SPDL1: variants seen among roughly 807,000 people sequenced by gnomAD.
SPDL1 encodes the protein protein Spindly.
A neutral mutation model predicts 79.5 loss-of-function variants in SPDL1; 85 were observed. That is an observed-to-expected ratio of 1.07 (90% CI 0.90 to 1.28). The LOEUF (loss-of-function observed/expected upper bound fraction) is 1.28, where lower values mean the gene tolerates loss of function less well. SPDL1 is among the 50% of genes most tolerant of loss of function. SPDL1 has a pLI of 0.00. For synonymous variants in SPDL1, 269 were observed against 240.3 expected, an observed-to-expected ratio of 1.12 and a Z score of -1.10; for missense variants, 703 against 697.8, an observed-to-expected ratio of 1.01 and a Z score of -0.08.
intron 1 of SPDL1, among the ~76,000 whole-genome samples, chr5:169,585,016 C>CAAAAAAAAAAAAAAAAAAAA (rs11415643): frequency 2.2e-5 from 3 of 138,266 alleles, no homozygotes; most frequent in African/African-American, 8.2e-5. Context: ...GACTCCGTCT[C>CAAAAAAAAAAAAAAAAAAAA]AAAAAAAAAA....
rs747520244 is a variant in SPDL1, at chr5:169,591,057, C to G, written c.169C>G (p.Gln57Glu). The G allele has an allele frequency of 6.2e-7, 1 of 1,611,428 alleles. No individual in the cohort carries two copies. Among genetic ancestry groups the G allele is most frequent in the African/African-American group, 1.3e-5 (1 of 74,594 alleles). Reference protein sequence around the residue: ...EMMTMTESYEQEKYTLQREVE... With the variant: ...EMMTMTESYEEEKYTLQREVE... Reference sequence around the variant, plus strand: ...TTGAATCTGTTTTCAGAGTTATGAACAAGAAAAATATACCCTTCAAAGAGA... The same window carrying G: ...TTGAATCTGTTTTCAGAGTTATGAAGAAGAAAAATATACCCTTCAAAGAGA... The change falls in exon 3 of 12, where the codon CAA (glutamine) becomes GAA (glutamate). Residue 57 changes from glutamine (Q) to glutamate (E), a missense_variant. By Grantham distance (29) the Gln-to-Glu change is conservative. Coordinates refer to ENST00000265295, the MANE Select transcript of SPDL1 (RefSeq NM_017785.5).
In SPDL1 at chr5:169,596,698, T is replaced by G; in HGVS notation, c.1029T>G (p.Phe343Leu). 1.3e-6 allele frequency: 2 copies of G among 1,594,878 alleles called. No homozygotes were observed. Among genetic ancestry groups the G allele is most frequent in the Non-Finnish European group, 1.7e-6 (2 of 1,174,602 alleles). The change falls in exon 8 of 12, where the codon TTT (phenylalanine) becomes TTG (leucine). Residue 343 changes from phenylalanine (F) to leucine (L), a missense_variant. Transcript: ENST00000265295. ...LLGEIRNLEK[F>L]KNLYDSMESK... is the part of the protein sequence containing the mutation. ...GTGAAATTAGAAATCTGGAGAAATT[T>G]AAGGTATGTATAACAGTTAAAAAAA...
At chr5:169,586,324 CTG>C (rs1389338429) in intron 1 of SPDL1, 1 of 152,338 alleles carries the variant, frequency 6.6e-6, no homozygotes, top group Non-Finnish European at 1.5e-5. Flanking sequence ...CCTTAATACA[CTG>C]TTTATTGCCT....
intron 10 of SPDL1, among the ~76,000 whole-genome samples, chr5:169,599,647 G>T (rs1413625686): frequency 6.6e-6 from 1 of 152,184 alleles, no homozygotes; most frequent in Non-Finnish European, 1.5e-5. Flanking sequence ...GGCTTCTTGT[G>T]TTTGTTGGTC....
rs1205803220 is a variant in SPDL1 at position 169,591,138 on chromosome 5, AAAC to A, written c.259_261del (p.Gln87del). On this transcript the variant is annotated inframe_deletion, in exon 3 of 12. Transcript: ENST00000265295. ...TTTGAGCTGCGAATGTGAAGCTATTAAACAACAACAAAAAATGCACCTGGAGAA... is the reference window on the plus strand; with the variant it reads ...TTTGAGCTGCGAATGTGAAGCTATTAAACAACAAAAAATGCACCTGGAGAA... 7 of 1,613,968 alleles carry A rather than the reference AAAC, an allele frequency of 4.3e-6. No individual in the cohort carries two copies. Among genetic ancestry groups the A allele is most frequent in the Admixed American group, 1.7e-5 (1 of 60,004 alleles).
rs1581302091 is a variant in SPDL1 at position 169,594,056 on chromosome 5, G to A, written c.532-89G>A. 1.0e-5 allele frequency: 11 copies of A among 1,079,050 alleles called. No homozygotes were observed. The East Asian group carries it at 2.7e-4, about 26-fold the overall frequency. 66.8% of individuals were successfully genotyped at this position (1,079,050 alleles called of 1,614,324 possible). On this transcript the variant is annotated intron_variant, in intron 4 of 11. Transcript: ENST00000265295. ...GACTGGTTCTTTAGTTTTAATTTTG[G>A]ATGTGAACCACAACTGAGATAAACT...
intron 1 of SPDL1, among the ~76,000 whole-genome samples, chr5:169,586,575 T>C (rs548027391): frequency 6.6e-6 from 1 of 152,376 alleles, no homozygotes; most frequent in South Asian, 2.1e-4. Flanking sequence ...CCTGATTTTA[T>C]TTCCAAAACA....
rs371983504 is a variant in SPDL1 at position 169,590,104 on chromosome 5, A to AT, written c.160-941dup. ...TATCCTGAATGCCTGCCACACGATT[A>AT]TTTCTTAAAAGAATGAATGAATAAA... is the stretch of plus-strand genomic sequence containing the variant. On this transcript the variant is annotated intron_variant, in intron 2 of 11. Transcript: ENST00000265295. 5.1e-3 allele frequency among the ~76,000 whole-genome samples: 782 copies of AT among 152,366 alleles called. 7 individuals carry two copies. The highest frequency in any genetic ancestry group is 0.017 in the African/African-American group (714 of 41,582).
intron 7 of SPDL1, 43 bp from the exon 8 acceptor site, chr5:169,596,516 TTC>T: frequency 6.5e-7 from 1 of 1,528,066 alleles, no homozygotes; most frequent in Non-Finnish European, 9.0e-7. Flanking sequence ...ATCAGAATCT[TTC>T]TCTCACTTAA....
Position 169,586,761 on chromosome 5 carries a change from C to G in SPDL1, c.-23-1633C>G, listed in dbSNP as rs189374450. ...AAAATCTGGCCATTTCTCACAGCCT[C>G]CTATGCTGCCACCCTAGTCTGAGCC... On this transcript the variant is annotated intron_variant, in intron 1 of 11. Transcript: ENST00000265295. 5.3e-5 allele frequency among the ~76,000 whole-genome samples: 8 copies of G among 152,192 alleles called. No individual in the cohort carries two copies. In the South Asian group the frequency reaches 6.2e-4, roughly 12 times the overall value.
intron 2 of SPDL1, among the ~76,000 whole-genome samples, chr5:169,590,093 GC>G (rs1458719160): frequency 5.9e-5 from 9 of 152,182 alleles, no homozygotes; most frequent in Admixed American, 4.6e-4. Flanking sequence ...CTGAATGCCT[GC>G]CACACGATTA....
At position 169,594,496 on chromosome 5, in the gene SPDL1, C is replaced by A; in HGVS notation, c.780+4C>A. 1 of 1,613,468 alleles carries A rather than the reference C, an allele frequency of 6.2e-7. No homozygotes were observed. Among genetic ancestry groups the A allele is most frequent in the Non-Finnish European group, 8.5e-7 (1 of 1,179,440 alleles). ...AGGCAACTCTTTGTTTGCAGAGGTACTTATAAGTATCCTAACTACTAAATT... is the reference window on the plus strand; with the variant it reads ...AGGCAACTCTTTGTTTGCAGAGGTAATTATAAGTATCCTAACTACTAAATT... On this transcript the variant is annotated splice_donor_region_variant and intron_variant, in intron 6 of 11. Coordinates refer to ENST00000265295, the MANE Select transcript of SPDL1 (RefSeq NM_017785.5).
intron 2 of SPDL1, among the ~76,000 whole-genome samples, chr5:169,589,420 C>T (rs944354185): frequency 1.3e-5 from 2 of 152,192 alleles, no homozygotes; most frequent in African/African-American, 4.8e-5. Context: ...TTATTTACAA[C>T]AAAATCTGAG....
At chr5:169,599,218 A>T in intron 10 of SPDL1, 59 bp downstream of exon 10, 1 of 1,156,152 alleles carries the variant, frequency 8.6e-7, no homozygotes, top group Admixed American at 2.8e-5. Context: ...AATTATATCA[A>T]ATTATTTTCT....
chr5:169,587,461 T>C (rs1755046848), intron 1 of SPDL1: 1 of 152,210 alleles, frequency 6.6e-6, no homozygotes, highest in African/African-American at 2.4e-5. Context: ...CTATATATAA[T>C]GTTTAAGTCT....
chr5:169,604,116 G>A lies in SPDL1; in HGVS notation c.1727G>A (p.Ser576Asn), dbSNP rs1374526792. The A allele has an allele frequency of 6.2e-7, 1 of 1,613,132 alleles. No individual in the cohort carries two copies. Among genetic ancestry groups the A allele is most frequent in the Admixed American group, 1.7e-5 (1 of 59,858 alleles). Residue 576 changes from serine (S) to asparagine (N), a missense_variant, in exon 12 of 12, where the codon AGC becomes AAC. Ser to Asn is a conservative substitution (Grantham distance 46, BLOSUM62 1). Transcript: ENST00000265295. ...TEVKEGKETS[S>N]KLEKETCKKL... ...GTTAAAGAAGGAAAAGAAACTTCAAGCAAATTGGAAAAAGAAACTTGTAAG... is the reference window on the plus strand; with the variant it reads ...GTTAAAGAAGGAAAAGAAACTTCAAACAAATTGGAAAAAGAAACTTGTAAG...
At position 169,588,452 on chromosome 5, in the gene SPDL1, G is replaced by C. The variant is rs552267288; in HGVS notation, c.36G>C (p.Arg12Ser). ...ATATAATCACAAATCTTCGATGCAG[G>C]CTCAAAGAGGCTGAAGAAGAGCGAC... ...EADIITNLRC[R>S]LKEAEEERLK... is the part of the protein sequence containing the mutation. Residue 12 changes from arginine (R) to serine (S), a missense_variant, in exon 2 of 12, where the codon AGG (arginine) becomes AGC (serine). Coordinates refer to ENST00000265295, the MANE Select transcript of SPDL1 (RefSeq NM_017785.5). 5 of 1,613,118 alleles carry C rather than the reference G, an allele frequency of 3.1e-6. No homozygotes were observed. The highest frequency in any genetic ancestry group is 2.7e-5 in the African/African-American group (2 of 74,968).
intron 3 of SPDL1, 138 bp downstream of exon 3, chr5:169,591,362 G>A (rs1561869214): frequency 2.6e-6 from 2 of 770,044 alleles, no homozygotes; most frequent in East Asian, 2.7e-5. Context: ...TTAATATTGG[G>A]GGTGGGAACA....
rs1293360173 is a variant in SPDL1 at position 169,595,685 on chromosome 5, GTTTAC to G, written c.892-871_892-867del. Reference sequence around the variant, plus strand: ...AGTATTTCTTTATAAATTTTCTCACGTTTACTTTAGTTTTCTTACAGTATTTGTTG... The same window carrying G: ...AGTATTTCTTTATAAATTTTCTCACGTTTAGTTTTCTTACAGTATTTGTTG... On this transcript the variant is annotated intron_variant, in intron 7 of 11. Transcript: ENST00000265295. 4.6e-5 allele frequency: 7 copies of G among 151,996 alleles called. No homozygotes were observed. In the East Asian group the frequency reaches 1.3e-3, roughly 29 times the overall value. The allele number at this position is 151,996 out of a possible 1,614,324, so 9.4% of individuals were successfully genotyped here. A position where few individuals can be genotyped will look rare whatever the true frequency, so the allele number is the denominator to read the frequency against.
Sources: allele counts gnomAD v4.1 joint callset (sites outside exome capture counted in the v4.1 genomes callset), GRCh38; gene constraint gnomAD v4.1.1; transcripts MANE v1.5; gene names NCBI Gene and HGNC (gene_info 2026-07-23, HGNC 2026-07-21).